SEC24B: variants seen among roughly 807,000 people sequenced by gnomAD.
SEC24B encodes the protein SEC24 homolog B, COPII component.
Under a neutral mutation model 142.8 loss-of-function variants are expected in SEC24B, and 45 were observed. The observed-to-expected ratio is 0.32, with a 90% CI of 0.25 to 0.40. The LOEUF (loss-of-function observed/expected upper bound fraction) is 0.40, where lower values mean the gene tolerates loss of function less well. Ranked by LOEUF, SEC24B falls within the 10% of genes least tolerant of loss-of-function variation. The pLI, the probability that SEC24B is intolerant of heterozygous loss-of-function variation, is 1.00. For synonymous variants in SEC24B, 574 were observed against 568.2 expected (o/e 1.01, Z -0.15); for missense variants, 1,409 against 1,526.8 (o/e 0.92, Z 1.29).
Position 109,491,015 on chromosome 4 carries a change from A to G in SEC24B, c.1166-312A>G, listed in dbSNP as rs116283302. Among the ~76,000 whole-genome samples, 225 of 152,184 alleles carry G rather than the reference A, an allele frequency of 1.5e-3. 4 individuals carry two copies. Among genetic ancestry groups the G allele is most frequent in the Middle Eastern group, 3.4e-3 (1 of 294 alleles). ...AAGATGTGACTATATTAACATTTCTATCAACCTAAAGTTTTTGTTTATGTG... is the reference window on the plus strand; with the variant it reads ...AAGATGTGACTATATTAACATTTCTGTCAACCTAAAGTTTTTGTTTATGTG... On this transcript the variant is annotated intron_variant, in intron 4 of 23. Coordinates refer to ENST00000265175, the MANE Select transcript of SEC24B (RefSeq NM_006323.5).
At chr4:109,529,896 G>T (rs1561185862) in intron 18 of SEC24B, among the ~76,000 whole-genome samples, 3 of 152,112 alleles carry the variant, frequency 2.0e-5, no homozygotes, top group Non-Finnish European at 4.4e-5. Flanking sequence ...ACCATGCCCA[G>T]CTAATTTTTT....
chr4:109,478,828 G>C (rs920368837), intron 3 of SEC24B, among the ~76,000 whole-genome samples: 2 of 152,240 alleles, frequency 1.3e-5, no homozygotes, highest in Non-Finnish European at 2.9e-5. Context: ...AGGTGGGTAA[G>C]TTTGAGGAAA....
chr4:109,444,214 C>CAAAAAA, intron 1 of SEC24B, among the ~76,000 whole-genome samples: 1 of 80,178 alleles, frequency 1.2e-5, no homozygotes, highest in African/African-American at 3.8e-5. Flanking sequence ...AACTCCATCT[C>CAAAAAA]AAAAAAAAAA....
chr4:109,502,491 A>T (rs2126027519), intron 6 of SEC24B, among the ~76,000 whole-genome samples: 1 of 152,350 alleles, frequency 6.6e-6, no homozygotes, highest in Non-Finnish European at 1.5e-5. Context: ...AGTATCATGG[A>T]GGTTGTAAAA....
At chr4:109,490,074 C>A (rs1734853217) in intron 4 of SEC24B, among the ~76,000 whole-genome samples, 1 of 151,936 alleles carries the variant, frequency 6.6e-6, no homozygotes, top group Admixed American at 6.6e-5. Flanking sequence ...TCATTTAGAC[C>A]TTATAAGAAC....
At chr4:109,460,820 AAAAT>A (rs1428949255) in intron 1 of SEC24B, among the ~76,000 whole-genome samples, 2 of 151,374 alleles carry the variant, frequency 1.3e-5, no homozygotes, top group Non-Finnish European at 2.9e-5. Flanking sequence ...TGGTATTAAT[AAAAT>A]AAATATATGC....
rs1579009111 is a variant in SEC24B, at chr4:109,533,688, C to G, written c.3588+3C>G. 6.4e-7 allele frequency: 1 copy of G among 1,555,084 alleles called. No homozygotes were observed. Among genetic ancestry groups the G allele is most frequent in the African/African-American group, 1.4e-5 (1 of 73,344 alleles). ...TTGCATCAATACCACAGAAAATGGT[C>G]AGTAGATTTTATACACCTTTAACTT... is the stretch of plus-strand genomic sequence containing the variant. On this transcript the variant is annotated splice_donor_region_variant and intron_variant, in intron 22 of 23. Coordinates refer to ENST00000265175, the MANE Select transcript of SEC24B (RefSeq NM_006323.5).
At chr4:109,439,449 GAATACAT>G (rs1728710708) in intron 1 of SEC24B, among the ~76,000 whole-genome samples, 1 of 118,216 alleles carries the variant, frequency 8.5e-6, no homozygotes, top group South Asian at 3.1e-4. Flanking sequence ...GACTGTGTCT[GAATACAT>G]AATTTCCTCC....
chr4:109,472,907 ATATAT>A, intron 2 of SEC24B, 92 bp from the exon 3 acceptor site: 1 of 333,948 alleles, frequency 3.0e-6, no homozygotes, highest in Non-Finnish European at 5.0e-6. Context: ...TAATTATATT[ATATAT>A]TATATACATT....
intron 7 of SEC24B, 58 bp downstream of exon 7, chr4:109,506,570 C>A: frequency 8.7e-7 from 1 of 1,150,142 alleles, no homozygotes; most frequent in Non-Finnish European, 1.2e-6. Flanking sequence ...GTATGACTTT[C>A]AAAAATAGTA....
At chr4:109,461,506 A>T (rs1429177571) in intron 1 of SEC24B, among the ~76,000 whole-genome samples, 1 of 152,214 alleles carries the variant, frequency 6.6e-6, no homozygotes, top group Admixed American at 6.5e-5. Context: ...GTAAATTTTT[A>T]AAAGAATAAT....
chr4:109,462,980 C>G lies in SEC24B; in HGVS notation c.213C>G (p.Tyr71Ter). 6.2e-7 allele frequency: 1 copy of G among 1,614,004 alleles called. No individual in the cohort carries two copies. Among genetic ancestry groups the G allele is most frequent in the Non-Finnish European group, 8.5e-7 (1 of 1,180,000 alleles). The change falls in exon 2 of 24, where the codon TAC (tyrosine) becomes TAG (stop). Residue 71 changes from tyrosine (Y) to a stop codon, truncating the protein, a stop_gained. Transcript: ENST00000265175. LOFTEE classifies it high-confidence loss of function. Reference protein sequence around the residue: ...HQNYIAPSGHYSQGPGKMTSL... With the variant: ...HQNYIAPSGH Reference sequence around the variant, plus strand: ...ACTATATTGCTCCCTCAGGACATTACTCTCAAGGACCTGGGAAAATGACCT... The same window carrying G: ...ACTATATTGCTCCCTCAGGACATTAGTCTCAAGGACCTGGGAAAATGACCT...
chr4:109,510,180 A>G, intron 8 of SEC24B, 69 bp downstream of exon 8: 1 of 728,734 alleles, frequency 1.4e-6, no homozygotes. Context: ...CTTAAATTTT[A>G]TATTTTCTTA....
chr4:109,522,748 CGT>C (rs928139110), intron 14 of SEC24B, among the ~76,000 whole-genome samples: 27 of 152,012 alleles, frequency 1.8e-4, no homozygotes, highest in Middle Eastern at 3.4e-3. Flanking sequence ...GGACATCATA[CGT>C]GTGTGTGTGT....
chr4:109,495,176 G>C (rs954262388), intron 6 of SEC24B, among the ~76,000 whole-genome samples: 83 of 152,226 alleles, frequency 5.5e-4, no homozygotes, highest in African/African-American at 2.0e-3. Flanking sequence ...GAAAATTTAA[G>C]TAAATGTTAA....
chr4:109,530,076 C>T (rs1724728844), intron 18 of SEC24B, among the ~76,000 whole-genome samples: 1 of 151,930 alleles, frequency 6.6e-6, no homozygotes, highest in Non-Finnish European at 1.5e-5. Flanking sequence ...ACAAAAATGT[C>T]CAAAAGAATC....
In SEC24B at chr4:109,510,011, C is replaced by G; in HGVS notation, c.1676C>G (p.Ser559Ter). The change falls in exon 8 of 24, where the codon TCA becomes TGA. Residue 559 changes from serine (S) to a stop codon, truncating the protein, a stop_gained and splice_region_variant. Transcript: ENST00000265175. LOFTEE classifies it high-confidence loss of function. Reference sequence around the variant, plus strand: ...CATGTTGTTTATGTTTTTTGCAGTTCATTTCGGTGTACTTTGACAAATATT... The same window carrying G: ...CATGTTGTTTATGTTTTTTGCAGTTGATTTCGGTGTACTTTGACAAATATT... ...DLKKLNCSPD[S>*]FRCTLTNIPQ... The G allele has an allele frequency of 1.3e-6, 2 of 1,590,720 alleles. No individual in the cohort carries two copies. Among genetic ancestry groups the G allele is most frequent in the Non-Finnish European group, 1.7e-6 (2 of 1,168,486 alleles).
chr4:109,527,224 AAAAAAAAAGAAAG>A, intron 17 of SEC24B, 85 bp from the exon 18 acceptor site: 1 of 900,842 alleles, frequency 1.1e-6, no homozygotes, highest in Non-Finnish European at 1.7e-6. Context: ...GTCTCAAAAA[AAAAAAAAAGAAAG>A]AAAGAAAGAA....
At chr4:109,448,741 G>C (rs780417408) in intron 1 of SEC24B, among the ~76,000 whole-genome samples, 5 of 152,136 alleles carry the variant, frequency 3.3e-5, no homozygotes, top group African/African-American at 1.2e-4. Context: ...CCTGTCTTCC[G>C]AAACTTTGGT....
Sources: gnomAD v4.1 joint callset for allele counts (sites outside exome capture counted in the v4.1 genomes callset) on GRCh38, gnomAD v4.1.1 for gene constraint, MANE v1.5 for transcripts, NCBI Gene and HGNC (gene_info 2026-07-23, HGNC 2026-07-21) for gene names.